DSP: variants seen among roughly 807,000 people sequenced by gnomAD.
DSP encodes the protein 250/210 kDa paraneoplastic pemphigus antigen.
DSP carries 114 observed loss-of-function variants against 290.6 expected under a neutral mutation model. The ratio of observed to expected loss-of-function variants is 0.39; its 90% CI spans 0.34 to 0.46. DSP has a LOEUF of 0.46. Ranked by LOEUF, DSP falls within the 20% of genes least tolerant of loss-of-function variation. The probability of loss-of-function intolerance (pLI) is 0.99; values close to 1 mark genes in which losing one functional copy is unlikely to be tolerated. For missense variants in DSP, 3,230 were observed against 3,495.8 expected (o/e 0.92, Z 1.92); for synonymous variants, 1,311 against 1,316.4 (o/e 1.00, Z 0.09).
chr6:7,563,546 G>C (rs1758766470), intron 5 of DSP, among the ~76,000 whole-genome samples, 190 bp from the exon 6 acceptor site: 2 of 152,148 alleles, frequency 1.3e-5, no homozygotes, highest in Non-Finnish European at 2.9e-5. Context: ...TGCCAGGCCA[G>C]CAAGGGTTTG....
rs1429747794 is a variant in DSP at position 7,577,869 on chromosome 6, G to A, written c.2968G>A (p.Gly990Arg). ...GAGGACCATGATTCAGTCCCCTTCTGGGGTGATTCTGCAAGAGGTATATAT... is the reference window on the plus strand; with the variant it reads ...GAGGACCATGATTCAGTCCCCTTCTAGGGTGATTCTGCAAGAGGTATATAT... ...IKRTMIQSPS[G>R]VILQEAADVH... is the part of the protein sequence containing the mutation. Residue 990 changes from glycine to arginine, a missense_variant, in exon 21 of 24, where the codon GGG becomes AGG. This residue lies in a region of DSP where 1,714 missense variants were observed against 1,844.5 expected (regional missense o/e 0.93). Transcript: ENST00000379802. The A allele has an allele frequency of 6.2e-7, 1 of 1,613,862 alleles. No individual in the cohort carries two copies. Among genetic ancestry groups the A allele is most frequent in the African/African-American group, 1.3e-5 (1 of 74,888 alleles).
chr6:7,576,395 C>T lies in DSP; in HGVS notation c.2732C>T (p.Ser911Phe), dbSNP rs762464083. Residue 911 changes from serine (S) to phenylalanine (F), a missense_variant, in exon 19 of 24, where the codon TCC (serine) becomes TTC (phenylalanine). Around this residue, in one of 5 missense-constraint regions of DSP, gnomAD observed 1,714 missense variants for 1,844.5 expected, o/e 0.93. Coordinates refer to ENST00000379802, the MANE Select transcript of DSP (RefSeq NM_004415.4). Reference protein sequence around the residue: ...WLYDAKRRQDSLESMKFGDSN... With the variant: ...WLYDAKRRQDFLESMKFGDSN... ...TATGATGCTAAACGCCGCCAGGATT[C>T]CTTAGAATCCATGAAATTTGGAGAT... is the stretch of plus-strand genomic sequence containing the variant. 1 of 1,614,108 alleles carries T rather than the reference C, an allele frequency of 6.2e-7. No homozygotes were observed. Among genetic ancestry groups the T allele is most frequent in the Non-Finnish European group, 8.5e-7 (1 of 1,179,994 alleles).
intron 6 of DSP, among the ~76,000 whole-genome samples, chr6:7,564,781 A>T (rs1758805659): frequency 6.6e-6 from 1 of 151,286 alleles, no homozygotes; most frequent in Non-Finnish European, 1.5e-5. Context: ...TCCAGATATC[A>T]TGTGTACCCC....
intron 11 of DSP, 75 bp downstream of exon 11, chr6:7,568,664 C>T: frequency 6.6e-7 from 1 of 1,509,318 alleles, no homozygotes; most frequent in Non-Finnish European, 9.2e-7. Context: ...AAGAAAGCAA[C>T]ATTTAATCTA....
chr6:7,562,844 A>G, intron 5 of DSP, 64 bp downstream of exon 5: 1 of 1,604,340 alleles, frequency 6.2e-7, no homozygotes, highest in Non-Finnish European at 8.5e-7. Context: ...GTAATTACTC[A>G]ATCCCAGGGA....
chr6:7,568,707 A>G, intron 11 of DSP, 118 bp downstream of exon 11: 1 of 1,128,902 alleles, frequency 8.9e-7, no homozygotes, highest in Non-Finnish European at 1.3e-6. Flanking sequence ...AATGTCTTTG[A>G]TCTATGAAAT....
At chr6:7,568,936 A>C (rs1758947225) in intron 11 of DSP, among the ~76,000 whole-genome samples, 1 of 152,208 alleles carries the variant, frequency 6.6e-6, no homozygotes, top group African/African-American at 2.4e-5. Flanking sequence ...AATGTCTCTC[A>C]CTATGGGTGA....
Position 7,559,577 on chromosome 6 carries a change from A to G in DSP, c.597+177A>G, listed in dbSNP as rs116796558. ...AAAAGTGGTCTTCTATTTTGGAATGAATGAGATTTCAGTGTGGCTTGGGGA... is the reference window on the plus strand; with the variant it reads ...AAAAGTGGTCTTCTATTTTGGAATGGATGAGATTTCAGTGTGGCTTGGGGA... On this transcript the variant is annotated intron_variant, in intron 4 of 23. Transcript: ENST00000379802. Among the ~76,000 whole-genome samples the G allele has an allele frequency of 2.5e-3, 385 of 152,332 alleles. 4 individuals are homozygous for G. The highest frequency in any genetic ancestry group is 9.0e-3 in the African/African-American group (376 of 41,576).
chr6:7,574,918 C>G, intron 17 of DSP, 123 bp downstream of exon 17: 1 of 1,300,298 alleles, frequency 7.7e-7, no homozygotes, highest in Admixed American at 1.8e-5. Flanking sequence ...AGTGGCCACA[C>G]AGGTTGACAT....
Position 7,571,417 on chromosome 6 carries a change from C to T in DSP, c.1736C>T (p.Thr579Met), listed in dbSNP as rs765038828. The change falls in exon 14 of 24, where the codon ACG becomes ATG. Residue 579 changes from threonine to methionine, a missense_variant. Coordinates refer to ENST00000379802, the MANE Select transcript of DSP (RefSeq NM_004415.4). Reference sequence around the variant, plus strand: ...ATGCGGCAGGAAGATTACATGAAGACGATAGCCGACCTTGAGTTACATTAC... The same window carrying T: ...ATGCGGCAGGAAGATTACATGAAGATGATAGCCGACCTTGAGTTACATTAC... ...KTMRQEDYMKTIADLELHYQE... is the reference protein window; with the variant it reads ...KTMRQEDYMKMIADLELHYQE... The T allele has an allele frequency of 2.5e-6, 4 of 1,614,012 alleles. No individual in the cohort carries two copies. The highest frequency in any genetic ancestry group is 2.2e-5 in the East Asian group (1 of 44,888).
chr6:7,573,730 A>C (rs964556201), intron 15 of DSP, among the ~76,000 whole-genome samples: 3 of 152,180 alleles, frequency 2.0e-5, no homozygotes, highest in Non-Finnish European at 4.4e-5. Context: ...GCAGGGAAAC[A>C]GAGAGTAGGA....
Position 7,582,251 on chromosome 6 carries a change from A to G in DSP, c.5380-391A>G, listed in dbSNP as rs1759463217. 6.8e-6 allele frequency among the ~76,000 whole-genome samples: 1 copy of G among 148,026 alleles called. No individual in the cohort carries two copies. The highest frequency in any genetic ancestry group is 2.1e-4 in the South Asian group (1 of 4,762). On this transcript the variant is annotated intron_variant, in intron 23 of 23. Coordinates refer to ENST00000379802, the MANE Select transcript of DSP (RefSeq NM_004415.4). The surrounding 1 kb of genome is among the most constrained non-coding windows in gnomAD (Gnocchi z 4.2). ...TATATTTTATATAATATATATCTTC[A>G]TATATTTGTATTGCTTCATTAAGTA...
chr6:7,562,760 G>T lies in DSP; in HGVS notation c.706G>T (p.Asp236Tyr), dbSNP rs1044634464. The T allele has an allele frequency of 6.2e-7, 1 of 1,614,048 alleles. No homozygotes were observed. Among genetic ancestry groups the T allele is most frequent in the Non-Finnish European group, 8.5e-7 (1 of 1,179,968 alleles). Reference sequence around the variant, plus strand: ...CATCGGCGACTATCGCTGGCAGCTGGACAAAATCAAAGCCGACCTGGTACT... The same window carrying T: ...CATCGGCGACTATCGCTGGCAGCTGTACAAAATCAAAGCCGACCTGGTACT... The part of the protein sequence containing the change: ...NSIGDYRWQL[D>Y]KIKADLREKS... The change falls in exon 5 of 24, where the codon GAC (aspartate) becomes TAC (tyrosine). Residue 236 changes from aspartate to tyrosine, a missense_variant. This residue lies in a region of DSP where 646 missense variants were observed against 684.3 expected (regional missense o/e 0.94). Coordinates refer to ENST00000379802, the MANE Select transcript of DSP (RefSeq NM_004415.4).
At chr6:7,562,886 C>G in intron 5 of DSP, 106 bp downstream of exon 5, 2 of 1,516,410 alleles carry the variant, frequency 1.3e-6, no homozygotes, top group East Asian at 4.6e-5. Context: ...TTATTTCTTT[C>G]CCAGAAGACT....
Position 7,580,391 on chromosome 6 carries a change from G to C in DSP, c.4201G>C (p.Glu1401Gln), listed in dbSNP as rs774065012. The C allele has an allele frequency of 2.5e-6, 4 of 1,614,054 alleles. No homozygotes were observed. The East Asian group carries it at 8.9e-5, about 36-fold the overall frequency. The part of the protein sequence containing the change: ...YRAQIDNLTR[E>Q]NRSLSEEIKR... ...GGCTCAGATAGACAATCTCACCCGA[G>C]AAAACAGGAGCTTATCTGAAGAAAT... The change falls in exon 23 of 24, where the codon GAA (glutamate) becomes CAA (glutamine). Residue 1401 changes from glutamate to glutamine, a missense_variant. By Grantham distance (29) the Glu-to-Gln change is conservative. Around this residue, in one of 5 missense-constraint regions of DSP, gnomAD observed 1,714 missense variants for 1,844.5 expected, o/e 0.93. Transcript: ENST00000379802. The surrounding 1 kb of genome is among the most constrained non-coding windows in gnomAD (Gnocchi z 4.2).
rs1400965546 is a variant in DSP at position 7,585,830 on chromosome 6, T to C, written c.8568T>C (p.Ser2856=). ...RRGSFDATGN[S]SYSYSYSFSS... ...GAAGCTTTGACGCCACAGGGAATTC[T>C]TCCTACTCTTATTCCTACTCATTTA... The change falls in exon 24 of 24, where the codon TCT becomes TCC. Residue 2856 remains serine (S), a synonymous_variant. Transcript: ENST00000379802. 6.2e-7 allele frequency: 1 copy of C among 1,613,672 alleles called. No individual in the cohort carries two copies. Among genetic ancestry groups the C allele is most frequent in the East Asian group, 2.2e-5 (1 of 44,888 alleles).
Position 7,542,023 on chromosome 6 carries a change from C to A in DSP, c.108C>A (p.Gly36=). Residue 36 remains glycine, a synonymous_variant, in exon 1 of 24, where the codon GGC becomes GGA. Coordinates refer to ENST00000379802, the MANE Select transcript of DSP (RefSeq NM_004415.4). The stretch of plus-strand genomic sequence containing the variant: ...ACGAGGTGACCAGCGGCGGCGGGGG[C>A]ACCAGCAGGATGTACTATTCTCGGC... ...LRYEVTSGGG[G]TSRMYYSRRG... is the part of the protein sequence containing the mutation. 6.3e-7 allele frequency: 1 copy of A among 1,583,224 alleles called. No homozygotes were observed. Among genetic ancestry groups the A allele is most frequent in the Non-Finnish European group, 8.6e-7 (1 of 1,165,600 alleles).
chr6:7,572,525 A>G (rs1197562740), intron 15 of DSP, among the ~76,000 whole-genome samples: 1 of 152,212 alleles, frequency 6.6e-6, no homozygotes, highest in Non-Finnish European at 1.5e-5. Flanking sequence ...CTGCACTGGA[A>G]GGCCTAAATA....
At position 7,579,445 on chromosome 6, in the gene DSP, G is replaced by A; in HGVS notation, c.3255G>A (p.Gln1085=). 6.2e-7 allele frequency: 1 copy of A among 1,614,192 alleles called. No homozygotes were observed. The highest frequency in any genetic ancestry group is 8.5e-7 in the Non-Finnish European group (1 of 1,180,042). The stretch of plus-strand genomic sequence containing the variant: ...CGAGCCTGGAGGAGCTGAAGAGACA[G>A]GCTGAGCTGGATGGGAAGTCGGCTA... ...KLASLEELKR[Q]AELDGKSAKQ... is the part of the protein sequence containing the mutation. The change falls in exon 23 of 24, where the codon CAG becomes CAA. Residue 1085 remains glutamine (Q), a synonymous_variant. Coordinates refer to ENST00000379802, the MANE Select transcript of DSP (RefSeq NM_004415.4). The surrounding 1 kb of genome is among the most constrained non-coding windows in gnomAD (Gnocchi z 4.1).
Sources: gnomAD v4.1 joint callset for allele counts (sites outside exome capture counted in the v4.1 genomes callset) on GRCh38, gnomAD v4.1.1 for gene constraint, gnomAD v4.1.1 regional missense constraint, Gnocchi (gnomAD v3.1) non-coding constraint, MANE v1.5 for transcripts, NCBI Gene and HGNC (gene_info 2026-07-23, HGNC 2026-07-21) for gene names.